Variants in CEP131 observed in about 807,000 individuals in gnomAD.
CEP131 encodes the protein centrosomal protein 131, also known as centrosomal protein of 131 kDa.
CEP131 carries 99 observed loss-of-function variants against 136.8 expected under a neutral mutation model. The ratio of observed to expected loss-of-function variants is 0.72; its 90% CI spans 0.62 to 0.86. CEP131 has a LOEUF of 0.86. CEP131 is among the 40% of genes least tolerant of loss of function. The pLI is 0.00. For synonymous variants in CEP131, 646 were observed against 612.7 expected, an observed-to-expected ratio of 1.05 and a Z score of -0.80; for missense variants, 1,459 against 1,463.0, an observed-to-expected ratio of 1.00 and a Z score of 0.04.
intron 6 of CEP131, 120 bp from the exon 7 acceptor site, chr17:81,202,518 T>C: frequency 8.0e-7 from 1 of 1,256,168 alleles, no homozygotes; most frequent in Non-Finnish European, 1.1e-6. Flanking sequence ...GCTGGCAGGC[T>C]GGCAGCCGGG....
intron 7 of CEP131, 105 bp from the exon 8 acceptor site, chr17:81,200,551 T>C: frequency 1.2e-6 from 1 of 822,776 alleles, no homozygotes; most frequent in Non-Finnish European, 2.0e-6. Context: ...AGCCGGCGGC[T>C]GCACTCAAGT....
Position 81,208,302 on chromosome 17 carries a change from G to C in CEP131, c.272+626C>G, listed in dbSNP as rs774193031. On this transcript the variant is annotated intron_variant, in intron 3 of 25. Coordinates refer to ENST00000450824, the MANE Select transcript of CEP131 (RefSeq NM_014984.4). The surrounding 1 kb of genome is among the most constrained non-coding windows in gnomAD (Gnocchi z 5.6). ...GGGGCCCTTGGTGACCCAGAACTCA[G>C]CCTTCATTAGGTCCACGGCCCCACA... Among the ~76,000 whole-genome samples the C allele has an allele frequency of 3.9e-5, 6 of 152,210 alleles. No homozygotes were observed. The highest frequency in any genetic ancestry group is 8.8e-5 in the Non-Finnish European group (6 of 68,038).
At position 81,202,906 on chromosome 17, in the gene CEP131, G is replaced by A. The variant is rs555982308; in HGVS notation, c.630-508C>T. Among the ~76,000 whole-genome samples, 3 of 152,042 alleles carry A rather than the reference G, an allele frequency of 2.0e-5. No homozygotes were observed. In the East Asian group the frequency reaches 5.8e-4, roughly 30 times the overall value. On this transcript the variant is annotated intron_variant, in intron 6 of 25. Coordinates refer to ENST00000450824, the MANE Select transcript of CEP131 (RefSeq NM_014984.4). Reference sequence around the variant, plus strand: ...TTGAACCTGGGAGGCAGAGGTTGCAGTAAGCCGAGATCATGCCACTGCACT... The same window carrying A: ...TTGAACCTGGGAGGCAGAGGTTGCAATAAGCCGAGATCATGCCACTGCACT...
At position 81,219,328 on chromosome 17, in the gene CEP131, T is replaced by TC. The variant is rs2062332006; in HGVS notation, c.177+551dup. 7.3e-6 allele frequency among the ~76,000 whole-genome samples: 1 copy of TC among 137,634 alleles called. No individual in the cohort carries two copies. The highest frequency in any genetic ancestry group is 1.5e-5 in the Non-Finnish European group (1 of 65,844). The allele number at this position is 137,634 out of a possible 152,430, so 90.3% of individuals were successfully genotyped here. A position where few individuals can be genotyped will look rare whatever the true frequency, so the allele number is the denominator to read the frequency against. On this transcript the variant is annotated intron_variant, in intron 2 of 25. Transcript: ENST00000450824. This position sits in a 1 kb window ranked among gnomAD's most constrained non-coding sequence, Gnocchi z 4.0. The stretch of plus-strand genomic sequence containing the variant: ...TTTTTTTTTTGAGATGGCATCTCAC[T>TC]CTGTCGCCAGGCTGGAGTGCAACGG...
intron 24 of CEP131, 31 bp downstream of exon 24, chr17:81,190,608 C>T (rs190069768): frequency 1.9e-4 from 286 of 1,529,342 alleles, no homozygotes; most frequent in East Asian, 1.5e-3. Context: ...GCCCCGCCTC[C>T]GTCTCCAGCC....
At position 81,208,629 on chromosome 17, in the gene CEP131, G is replaced by T. The variant is rs1025739477; in HGVS notation, c.272+299C>A. ...GACAGCTTTTGACATTCAGAGGGCA[G>T]GTGGAAAGGGCTTCAGCGGAGCCCT... is the stretch of plus-strand genomic sequence containing the variant. On this transcript the variant is annotated intron_variant, in intron 3 of 25. Transcript: ENST00000450824. This position sits in a 1 kb window ranked among gnomAD's most constrained non-coding sequence, Gnocchi z 5.6. 6.6e-6 allele frequency among the ~76,000 whole-genome samples: 1 copy of T among 152,232 alleles called. No individual in the cohort carries two copies. The highest frequency in any genetic ancestry group is 2.4e-5 in the African/African-American group (1 of 41,458).
chr17:81,219,730 C>T lies in CEP131; in HGVS notation c.177+150G>A, dbSNP rs867757046. On this transcript the variant is annotated intron_variant, in intron 2 of 25. Coordinates refer to ENST00000450824, the MANE Select transcript of CEP131 (RefSeq NM_014984.4). The surrounding 1 kb of genome is among the most constrained non-coding windows in gnomAD (Gnocchi z 4.0). ...CACCCACGCCTGTAAGACTCAAGTC[C>T]TACCTGCCTCCTGGAACAGCCACGA... The T allele has an allele frequency of 8.6e-5, 69 of 805,818 alleles. 1 individual carries two copies. In the Middle Eastern group the frequency reaches 5.6e-3, roughly 66 times the overall value. 49.9% of individuals were successfully genotyped at this position (805,818 alleles called of 1,614,324 possible). A position where few individuals can be genotyped will look rare whatever the true frequency, so the allele number is the denominator to read the frequency against.
In CEP131 at chr17:81,203,442, C is replaced by T; in HGVS notation, c.629+52G>A. Reference sequence around the variant, plus strand: ...GGACCCCAGGTGCACTGACTACATGCCCTAACTGAGGTCGGACCCCGCAGC... The same window carrying T: ...GGACCCCAGGTGCACTGACTACATGTCCTAACTGAGGTCGGACCCCGCAGC... On this transcript the variant is annotated intron_variant, in intron 6 of 25. Coordinates refer to ENST00000450824, the MANE Select transcript of CEP131 (RefSeq NM_014984.4). This position sits in a 1 kb window ranked among gnomAD's most constrained non-coding sequence, Gnocchi z 4.6. 1 of 1,431,376 alleles carries T rather than the reference C, an allele frequency of 7.0e-7. No homozygotes were observed. Among genetic ancestry groups the T allele is most frequent in the South Asian group, 1.2e-5 (1 of 81,634 alleles). 88.7% of individuals were successfully genotyped at this position (1,431,376 alleles called of 1,614,324 possible).
Sources: gnomAD v4.1 joint callset for allele counts (sites outside exome capture counted in the v4.1 genomes callset) on GRCh38, gnomAD v4.1.1 for gene constraint, Gnocchi (gnomAD v3.1) non-coding constraint, MANE v1.5 for transcripts, NCBI Gene and HGNC (gene_info 2026-07-23, HGNC 2026-07-21) for gene names.